DNAJC11: variants seen among roughly 807,000 people sequenced by gnomAD.
DNAJC11 encodes DnaJ heat shock protein family (Hsp40) member C11.
DNAJC11 carries 15 observed loss-of-function variants against 78.6 expected under a neutral mutation model. That is an observed-to-expected ratio of 0.19 (90% confidence interval 0.13 to 0.29). DNAJC11 has a LOEUF of 0.29. Among genes scored for constraint, DNAJC11 ranks in the 10% least tolerant of loss-of-function variants. DNAJC11 has a pLI of 1.00. For synonymous variants in DNAJC11, 292 were observed against 272.1 expected (o/e 1.07, Z -0.72); for missense variants, 547 against 709.6 (o/e 0.77, Z 2.60).
intron 4 of DNAJC11, among the ~76,000 whole-genome samples, chr1:6,658,766 C>T (rs1006013691): frequency 2.0e-5 from 3 of 152,048 alleles, no homozygotes; most frequent in Admixed American, 1.3e-4. Flanking sequence ...TTCTTGTGTC[C>T]GTAAACCTCA....
intron 4 of DNAJC11, among the ~76,000 whole-genome samples, chr1:6,655,971 G>A (rs1642120326): frequency 6.6e-6 from 1 of 151,496 alleles, no homozygotes; most frequent in South Asian, 2.1e-4. Flanking sequence ...GCGTGGTGGT[G>A]CGCACCTATA....
intron 1 of DNAJC11, among the ~76,000 whole-genome samples, chr1:6,695,651 A>G (rs1023551182): frequency 9.0e-6 from 1 of 111,588 alleles, no homozygotes; most frequent in Non-Finnish European, 1.9e-5. Flanking sequence ...AAAAAAAAAA[A>G]AAAAAAATTA....
At chr1:6,694,751 G>A (rs1458589181) in intron 1 of DNAJC11, among the ~76,000 whole-genome samples, 1 of 150,682 alleles carries the variant, frequency 6.6e-6, no homozygotes, top group Non-Finnish European at 1.5e-5. Context: ...GGATCACAAG[G>A]TCAGGAGATC....
chr1:6,654,013 G>A lies in DNAJC11; in HGVS notation c.405C>T (p.Ala135=). ...CATCATAGCGATCAAAAAGGTCGGT[G>A]GCATCTACTCCAACGCTGATCGTTC... ...PKGTISVGVD[A]TDLFDRYDEE... is the part of the protein sequence containing the mutation. The change falls in exon 5 of 16, where the codon GCC becomes GCT. Residue 135 remains alanine (A), a synonymous_variant. Coordinates refer to ENST00000377577, the MANE Select transcript of DNAJC11 (RefSeq NM_018198.4). The A allele has an allele frequency of 6.2e-7, 1 of 1,613,420 alleles. No homozygotes were observed. The highest frequency in any genetic ancestry group is 1.3e-5 in the African/African-American group (1 of 75,012).
intron 10 of DNAJC11, 133 bp downstream of exon 10, chr1:6,644,425 C>T (rs1478541768): frequency 5.4e-6 from 4 of 735,000 alleles, no homozygotes; most frequent in East Asian, 5.1e-5. Context: ...TAAGCCACTG[C>T]ACCTAGCCAA....
chr1:6,687,770 T>C (rs190340497), intron 1 of DNAJC11, among the ~76,000 whole-genome samples: 81 of 152,254 alleles, frequency 5.3e-4, no homozygotes, highest in African/African-American at 1.8e-3. Flanking sequence ...TCTGGAAATA[T>C]GGGATTCATC....
chr1:6,676,810 T>G (rs1019037367), intron 3 of DNAJC11, among the ~76,000 whole-genome samples: 2 of 152,126 alleles, frequency 1.3e-5, no homozygotes, highest in African/African-American at 4.8e-5. Flanking sequence ...CCACTCCTCA[T>G]CTGAAGGCCT....
intron 4 of DNAJC11, among the ~76,000 whole-genome samples, chr1:6,657,314 T>C (rs926340865): frequency 6.6e-6 from 1 of 152,150 alleles, no homozygotes; most frequent in Non-Finnish European, 1.5e-5. Context: ...AAGCCTGAGC[T>C]GGCCCGGGGA....
Position 6,634,991 on chromosome 1 carries a change from C to G in DNAJC11, c.*684G>C, listed in dbSNP as rs1053531443. The G allele has an allele frequency of 2.9e-6, 2 of 678,566 alleles. No individual in the cohort carries two copies. Among genetic ancestry groups the G allele is most frequent in the South Asian group, 4.4e-5 (2 of 45,922 alleles). The allele number at this position is 678,566 out of a possible 1,614,324, so 42.0% of individuals were successfully genotyped here. On this transcript the variant is annotated 3_prime_UTR_variant, in exon 16 of 16. Coordinates refer to ENST00000377577, the MANE Select transcript of DNAJC11 (RefSeq NM_018198.4). Reference sequence around the variant, plus strand: ...TTCCCACCGGGATACGGGAAGCCACCTGTGTCAGGGCTAGGCCCTGGGATC... The same window carrying G: ...TTCCCACCGGGATACGGGAAGCCACGTGTGTCAGGGCTAGGCCCTGGGATC...
At chr1:6,682,436 A>G (rs1642569185) in intron 1 of DNAJC11, among the ~76,000 whole-genome samples, 1 of 152,112 alleles carries the variant, frequency 6.6e-6, no homozygotes, top group African/African-American at 2.4e-5. Context: ...ACGTGACTGG[A>G]AAGACGTGCA....
intron 3 of DNAJC11, among the ~76,000 whole-genome samples, chr1:6,677,456 C>T (rs1642482848): frequency 1.3e-5 from 2 of 152,094 alleles, no homozygotes; most frequent in South Asian, 4.1e-4. Flanking sequence ...CCAAGCCCGA[C>T]TAATTTTTAA....
At chr1:6,665,354 C>T (rs112035671) in intron 4 of DNAJC11, among the ~76,000 whole-genome samples, 3 of 152,294 alleles carry the variant, frequency 2.0e-5, no homozygotes, top group African/African-American at 7.2e-5. Context: ...CAGGCATGCA[C>T]CACCACGCCC....
intron 1 of DNAJC11, among the ~76,000 whole-genome samples, chr1:6,685,482 G>A (rs1430639241): frequency 6.6e-6 from 1 of 152,140 alleles, no homozygotes; most frequent in East Asian, 1.9e-4. Flanking sequence ...AAAATAGTCA[G>A]GTGGCCTTTT....
chr1:6,677,158 C>CAAAAAAAAAAAAAAAAAAAAAAAAAA (rs1181692411), intron 3 of DNAJC11, among the ~76,000 whole-genome samples: 1 of 49,480 alleles, frequency 2.0e-5, no homozygotes, highest in Non-Finnish European at 4.1e-5. Flanking sequence ...AACTTGGTCT[C>CAAAAAAAAAAAAAAAAAAAAAAAAAA]AAAAAAAAAA....
chr1:6,635,528 T>C lies in DNAJC11; in HGVS notation c.*147A>G. On this transcript the variant is annotated 3_prime_UTR_variant, in exon 16 of 16. Transcript: ENST00000377577. ...CCTCAAAAGCTGGGGTGTCTGCATG[T>C]CCCTTCACATAATTGATAATGGTAC... is the stretch of plus-strand genomic sequence containing the variant. 1.1e-6 allele frequency: 1 copy of C among 877,890 alleles called. No individual in the cohort carries two copies. The allele number at this position is 877,890 out of a possible 1,614,324, so 54.4% of individuals were successfully genotyped here.
Position 6,634,309 on chromosome 1 carries a change from C to G in DNAJC11, c.*1366G>C. On this transcript the variant is annotated 3_prime_UTR_variant, in exon 16 of 16. Coordinates refer to ENST00000377577, the MANE Select transcript of DNAJC11 (RefSeq NM_018198.4). ...GCCCAGGCTCATGCAACACGACGCT[C>G]ACCGCGGCTCGGGCCGTGGGGCCGT... The G allele has an allele frequency of 1.0e-6, 1 of 957,342 alleles. No homozygotes were observed. Among genetic ancestry groups the G allele is most frequent in the Non-Finnish European group, 1.5e-6 (1 of 666,214 alleles). 59.3% of individuals were successfully genotyped at this position (957,342 alleles called of 1,614,324 possible).
At chr1:6,655,269 C>G (rs1642110062) in intron 4 of DNAJC11, among the ~76,000 whole-genome samples, 1 of 152,108 alleles carries the variant, frequency 6.6e-6, no homozygotes, top group East Asian at 1.9e-4. Flanking sequence ...CAAATACCAA[C>G]TTGGAGGCAG....
At chr1:6,663,137 T>C (rs1557477266) in intron 4 of DNAJC11, among the ~76,000 whole-genome samples, 1 of 152,210 alleles carries the variant, frequency 6.6e-6, no homozygotes, top group African/African-American at 2.4e-5. Flanking sequence ...ATGATGGAGT[T>C]TTCTAGATCA....
intron 15 of DNAJC11, 118 bp from the exon 16 acceptor site, chr1:6,635,818 G>A (rs1641756107): frequency 7.2e-6 from 9 of 1,252,078 alleles, no homozygotes; most frequent in Non-Finnish European, 1.0e-5. Context: ...GCGAGGCAGA[G>A]CACCCGCTGC....
Sources: allele counts gnomAD v4.1 joint callset (sites outside exome capture counted in the v4.1 genomes callset), GRCh38; gene constraint gnomAD v4.1.1; transcripts MANE v1.5; gene names NCBI Gene and HGNC (gene_info 2026-07-23, HGNC 2026-07-21).